The following PARL variants were observed in gnomAD, a reference collection of about 807,000 sequenced individuals.
The protein encoded by PARL is presenilin associated rhomboid like, also known as presenilin-associated rhomboid-like protein, mitochondrial.
Under a neutral mutation model 51.6 loss-of-function variants are expected in PARL, and 44 were observed. The observed-to-expected ratio is 0.85, with a 90% CI of 0.67 to 1.10. The LOEUF (loss-of-function observed/expected upper bound fraction) is 1.10. Ranked by LOEUF, PARL falls within the 50% of genes least tolerant of loss-of-function variation. The probability of loss-of-function intolerance (pLI) is 0.00; values close to 1 mark genes in which losing one functional copy is unlikely to be tolerated. For synonymous variants in PARL, 172 were observed against 164.0 expected, an observed-to-expected ratio of 1.05 and a Z score of -0.37; for missense variants, 441 against 469.5, an observed-to-expected ratio of 0.94 and a Z score of 0.56.
At chr3:183,845,922 C>T (rs917195191) in intron 4 of PARL, among the ~76,000 whole-genome samples, 1 of 152,114 alleles carries the variant, frequency 6.6e-6, no homozygotes, top group African/African-American at 2.4e-5. Flanking sequence ...TCATAAAGAT[C>T]GGATTGCTAT....
downstream of PARL, chr3:183,826,679 G>T (rs1377784406): frequency 1.0e-6 from 1 of 984,894 alleles, no homozygotes; most frequent in Non-Finnish European, 1.2e-6. Context: ...AGCTGAGCAG[G>T]CCAGGCCATG....
intron 4 of PARL, among the ~76,000 whole-genome samples, chr3:183,851,268 A>G (rs1446954797): frequency 6.6e-6 from 1 of 152,238 alleles, no homozygotes; most frequent in Admixed American, 6.5e-5. Context: ...CATGACACTT[A>G]AAAGTACAAG....
rs144236782 is a variant in PARL at position 183,883,393 on chromosome 3, C to T, written c.125+1329G>A. Among the ~76,000 whole-genome samples the T allele has an allele frequency of 1.5e-3, 225 of 152,218 alleles. 2 individuals carry two copies. Among genetic ancestry groups the T allele is most frequent in the African/African-American group, 5.2e-3 (217 of 41,522 alleles). On this transcript the variant is annotated intron_variant, in intron 1 of 9. Transcript: ENST00000317096. Reference sequence around the variant, plus strand: ...AAGCCATTCTCCTGCCTCAGGCTCCCGAGTAGCTGGGATTACAGGCGCCCG... The same window carrying T: ...AAGCCATTCTCCTGCCTCAGGCTCCTGAGTAGCTGGGATTACAGGCGCCCG...
At chr3:183,881,491 T>C (rs2108725231) in intron 1 of PARL, among the ~76,000 whole-genome samples, 1 of 152,374 alleles carries the variant, frequency 6.6e-6, no homozygotes, top group Non-Finnish European at 1.5e-5. Context: ...TGTTAATGTT[T>C]ATGTTACTCA....
chr3:183,870,445 A>G (rs1030940743), intron 1 of PARL, among the ~76,000 whole-genome samples: 1 of 151,888 alleles, frequency 6.6e-6, no homozygotes, highest in Non-Finnish European at 1.5e-5. Flanking sequence ...AACCTGTTGC[A>G]TGTTCTTCTG....
intron 9 of PARL, among the ~76,000 whole-genome samples, chr3:183,832,541 A>T (rs1283989925): frequency 2.7e-5 from 4 of 149,036 alleles, no homozygotes; most frequent in African/African-American, 9.9e-5. Context: ...TCTTTTTAAT[A>T]AAAAAAAAAA....
intron 7 of PARL, among the ~76,000 whole-genome samples, chr3:183,834,026 G>T (rs956681617): frequency 1.3e-5 from 2 of 152,174 alleles, no homozygotes; most frequent in African/African-American, 2.4e-5. Context: ...TAATCGCTTG[G>T]AAAGACTGAA....
At chr3:183,832,134 T>C (rs1336272237) in intron 9 of PARL, among the ~76,000 whole-genome samples, 1 of 152,158 alleles carries the variant, frequency 6.6e-6, no homozygotes, top group Non-Finnish European at 1.5e-5. Flanking sequence ...ATACTACTCC[T>C]CTTTAATCAC....
At chr3:183,875,284 G>A (rs1186696754) in intron 1 of PARL, among the ~76,000 whole-genome samples, 4 of 151,802 alleles carry the variant, frequency 2.6e-5, no homozygotes, top group Non-Finnish European at 5.9e-5. Flanking sequence ...GCGTGGTGGC[G>A]GGCGACTGTA....
At chr3:183,858,152 C>T (rs1731380869) in intron 4 of PARL, among the ~76,000 whole-genome samples, 1 of 152,174 alleles carries the variant, frequency 6.6e-6, no homozygotes, top group African/African-American at 2.4e-5. Flanking sequence ...AACTTGTTTG[C>T]AGACTGGGAA....
chr3:183,861,249 G>T lies in PARL; in HGVS notation c.511+1504C>A, dbSNP rs567236057. The T allele has an allele frequency of 1.2e-5, 12 of 979,420 alleles. No homozygotes were observed. The African/African-American group carries it at 1.4e-4, about 11-fold the overall frequency. The allele number at this position is 979,420 out of a possible 1,614,324, so 60.7% of individuals were successfully genotyped here. ...CTATCAATTCTATGGTCTTAGTTAT[G>T]GCAACACTGAAAAATCTCAATCCCT... On this transcript the variant is annotated intron_variant, in intron 4 of 9. Coordinates refer to ENST00000317096, the MANE Select transcript of PARL (RefSeq NM_018622.7).
intron 3 of PARL, among the ~76,000 whole-genome samples, chr3:183,864,154 T>C (rs897961350): frequency 6.6e-6 from 1 of 152,212 alleles, no homozygotes; most frequent in Non-Finnish European, 1.5e-5. Flanking sequence ...TTATCCACTG[T>C]TCTGGCATAA....
At chr3:183,855,304 A>G (rs1731024112) in intron 4 of PARL, among the ~76,000 whole-genome samples, 1 of 152,138 alleles carries the variant, frequency 6.6e-6, no homozygotes, top group Admixed American at 6.5e-5. Context: ...TTTATTTATT[A>G]TTATTTTTAG....
intron 2 of PARL, 146 bp downstream of exon 2, chr3:183,867,719 C>A: frequency 1.3e-5 from 8 of 636,346 alleles, no homozygotes; most frequent in Non-Finnish European, 1.7e-5. Flanking sequence ...AAAAAAAATT[C>A]AGACTCTATA....
intron 1 of PARL, among the ~76,000 whole-genome samples, chr3:183,882,003 C>G (rs1017233874): frequency 3.3e-5 from 5 of 151,388 alleles, no homozygotes; most frequent in Non-Finnish European, 5.9e-5. Flanking sequence ...GAGTTCGAGA[C>G]CAGCCTGGCC....
intron 1 of PARL, among the ~76,000 whole-genome samples, chr3:183,868,941 A>G (rs1210880847): frequency 6.6e-6 from 1 of 152,178 alleles, no homozygotes; most frequent in Non-Finnish European, 1.5e-5. Flanking sequence ...ACAGTTAAAA[A>G]AAAATTTTGT....
Position 183,866,662 on chromosome 3 carries a change from C to T in PARL, c.425G>A (p.Ser142Asn). The change falls in exon 3 of 10, where the codon AGC (serine) becomes AAC (asparagine). Residue 142 changes from serine (S) to asparagine (N), a missense_variant. Ser to Asn is a conservative substitution (Grantham distance 46, BLOSUM62 1). Coordinates refer to ENST00000317096, the MANE Select transcript of PARL (RefSeq NM_018622.7). Reference protein sequence around the residue: ...FDGIKADWLDSIRPQKEGDFR... With the variant: ...FDGIKADWLDNIRPQKEGDFR... ...GTCTCCTTCTTTTTGTGGTCTTATG[C>T]TATCCAACCAATCAGCTTTTATACC... 6.2e-7 allele frequency: 1 copy of T among 1,611,950 alleles called. No homozygotes were observed. The highest frequency in any genetic ancestry group is 8.5e-7 in the Non-Finnish European group (1 of 1,179,306).
chr3:183,834,894 A>AG (rs940448328), intron 7 of PARL, among the ~76,000 whole-genome samples: 1 of 149,854 alleles, frequency 6.7e-6, no homozygotes, highest in African/African-American at 2.4e-5. Context: ...TACAAAAAAA[A>AG]AAAAAAAAAA....
chr3:183,859,235 G>A (rs1160958093), intron 4 of PARL, among the ~76,000 whole-genome samples: 1 of 151,968 alleles, frequency 6.6e-6, no homozygotes, highest in South Asian at 2.1e-4. Flanking sequence ...CAGAGATCAC[G>A]CCACTGCACT....
Sources: allele counts gnomAD v4.1 joint callset (sites outside exome capture counted in the v4.1 genomes callset), GRCh38; gene constraint gnomAD v4.1.1; transcripts MANE v1.5; gene names NCBI Gene and HGNC (gene_info 2026-07-23, HGNC 2026-07-21).